Variants in GARNL3 observed in about 807,000 individuals in gnomAD.
GARNL3 encodes the protein GTPase activating Rap/RanGAP domain like 3.
Under a neutral mutation model 125.0 loss-of-function variants are expected in GARNL3, and 63 were observed. The observed-to-expected ratio is 0.50, with a 90% CI of 0.41 to 0.62. GARNL3 has a LOEUF of 0.62. Ranked by LOEUF, GARNL3 falls within the 20% of genes least tolerant of loss-of-function variation. The probability of loss-of-function intolerance (pLI) is 0.00; values close to 1 mark genes in which losing one functional copy is unlikely to be tolerated. For missense variants in GARNL3, 994 were observed against 1,244.0 expected (o/e 0.80, Z 3.02); for synonymous variants, 439 against 457.5 (o/e 0.96, Z 0.52).
chr9:127,342,225 A>G lies in GARNL3; in HGVS notation c.1142A>G (p.Asn381Ser). ...TTAACTTGATTTATTTTAGTAATTA[A>G]TGGTGAAAAAGCCACTTTGGAAACC... Reference protein sequence around the residue: ...FRDFLLVKLINGEKATLETPT... With the variant: ...FRDFLLVKLISGEKATLETPT... The change falls in exon 14 of 28, where the codon AAT becomes AGT. Residue 381 changes from asparagine to serine, a missense_variant. Around this residue, in one of 5 missense-constraint regions of GARNL3, gnomAD observed 728 missense variants for 865.7 expected, o/e 0.84. Coordinates refer to ENST00000373387, the MANE Select transcript of GARNL3 (RefSeq NM_032293.5). The G allele has an allele frequency of 1.3e-6, 2 of 1,597,752 alleles. No individual in the cohort carries two copies. The highest frequency in any genetic ancestry group is 1.7e-6 in the Non-Finnish European group (2 of 1,165,076).
chr9:127,329,404 A>C (rs148009458), intron 7 of GARNL3, among the ~76,000 whole-genome samples: 24 of 152,206 alleles, frequency 1.6e-4, no homozygotes, highest in African/African-American at 4.8e-4. Flanking sequence ...AAGATCCTAC[A>C]CCCTTGGGTG....
intron 2 of GARNL3, among the ~76,000 whole-genome samples, chr9:127,254,317 A>G (rs1334856332): frequency 6.6e-6 from 1 of 152,254 alleles, no homozygotes; most frequent in African/African-American, 2.4e-5. Context: ...TTCTTAAGTC[A>G]GAAAAACAAA....
rs78854771 is a variant in GARNL3, at chr9:127,316,520, G to A, written c.439-1543G>A. Among the ~76,000 whole-genome samples, 819 of 152,284 alleles carry A rather than the reference G, an allele frequency of 5.4e-3. 23 individuals carry two copies. In the East Asian group the frequency reaches 0.082, roughly 15 times the overall value. ...AGTGTAGGCTGGAGCCAGTTAAAAA[G>A]CAAAGCCACAGAAGAACTCGGGTTT... is the stretch of plus-strand genomic sequence containing the variant. On this transcript the variant is annotated intron_variant, in intron 4 of 27. Transcript: ENST00000373387.
At chr9:127,225,583 CG>C (rs1485596061) in intron 1 of GARNL3, among the ~76,000 whole-genome samples, 3 of 151,574 alleles carry the variant, frequency 2.0e-5, no homozygotes, top group Admixed American at 6.6e-5. Context: ...GGCCGTCGCG[CG>C]GGAGGTGCAG....
At chr9:127,344,157 G>C in intron 14 of GARNL3, 78 bp from the exon 15 acceptor site, 1 of 943,152 alleles carries the variant, frequency 1.1e-6, no homozygotes, top group Non-Finnish European at 1.7e-6. Context: ...TGGATAAATA[G>C]TTTTGTGCAC....
At chr9:127,254,092 A>G (rs2063453020) in intron 2 of GARNL3, among the ~76,000 whole-genome samples, 1 of 152,218 alleles carries the variant, frequency 6.6e-6, no homozygotes, top group Non-Finnish European at 1.5e-5. Flanking sequence ...TGAGTTGGTC[A>G]GCGTCTCTCA....
intron 3 of GARNL3, among the ~76,000 whole-genome samples, chr9:127,312,830 G>A (rs1234853978): frequency 2.0e-5 from 3 of 152,174 alleles, no homozygotes; most frequent in Non-Finnish European, 4.4e-5. Flanking sequence ...CTTCCCAAAC[G>A]CTTGCAAGTA....
At chr9:127,361,040 G>T (rs980330293) in intron 21 of GARNL3, among the ~76,000 whole-genome samples, 6 of 152,162 alleles carry the variant, frequency 3.9e-5, no homozygotes, top group Admixed American at 2.6e-4. Flanking sequence ...CCTGGTTTAT[G>T]GGAGGGGCTC....
chr9:127,374,537 T>C (rs1564191180), intron 22 of GARNL3, among the ~76,000 whole-genome samples: 1 of 152,052 alleles, frequency 6.6e-6, no homozygotes, highest in Non-Finnish European at 1.5e-5. Context: ...ACTAAGAACT[T>C]CCTTGAAAAA....
chr9:127,323,718 C>T (rs1469375190), intron 6 of GARNL3, among the ~76,000 whole-genome samples: 1 of 149,300 alleles, frequency 6.7e-6, no homozygotes, highest in Non-Finnish European at 1.5e-5. Flanking sequence ...GGATCCAATT[C>T]CTCCACCTGT....
rs532309345 is a variant in GARNL3 at position 127,392,428 on chromosome 9, C to T, written c.2871-655C>T. ...AACGGTAAGAAGCTAGGGGAACAGC[C>T]CTTCTGACAGCAACTACCTCAGGGC... On this transcript the variant is annotated intron_variant, in intron 27 of 27. Transcript: ENST00000373387. This position sits in a 1 kb window ranked among gnomAD's most constrained non-coding sequence, Gnocchi z 5.2. Among the ~76,000 whole-genome samples, 1 of 152,308 alleles carries T rather than the reference C, an allele frequency of 6.6e-6. No individual in the cohort carries two copies. Among genetic ancestry groups the T allele is most frequent in the African/African-American group, 2.4e-5 (1 of 41,568 alleles).
chr9:127,329,845 TGGACTCAGTGGACTATA>T (rs1231457277), intron 7 of GARNL3, among the ~76,000 whole-genome samples: 3 of 152,160 alleles, frequency 2.0e-5, no homozygotes, highest in Non-Finnish European at 4.4e-5. Flanking sequence ...AATAAAAGCA[TGGACTCAGTGGACTATA>T]GGGTCCTTTC....
chr9:127,354,764 A>G (rs1830598405), intron 19 of GARNL3, among the ~76,000 whole-genome samples: 1 of 152,202 alleles, frequency 6.6e-6, no homozygotes, highest in Admixed American at 6.5e-5. Flanking sequence ...GAATATAGGA[A>G]GTAGGACTTT....
chr9:127,364,922 A>G lies in GARNL3; in HGVS notation c.2095-378A>G. ...TGATAATTATACCATAATGTCAATA[A>G]TATTAGGTTGATGCAAAAGTAATTG... On this transcript the variant is annotated intron_variant, in intron 21 of 27. Transcript: ENST00000373387. The surrounding 1 kb of genome is among the most constrained non-coding windows in gnomAD (Gnocchi z 4.2). 1 of 213,052 alleles carries G rather than the reference A, an allele frequency of 4.7e-6. No homozygotes were observed. Among genetic ancestry groups the G allele is most frequent in the Non-Finnish European group, 9.4e-6 (1 of 106,810 alleles). The allele number at this position is 213,052 out of a possible 1,614,324, so 13.2% of individuals were successfully genotyped here.
At chr9:127,336,296 T>G in intron 11 of GARNL3, 60 bp downstream of exon 11, 2 of 1,172,464 alleles carry the variant, frequency 1.7e-6, no homozygotes, top group Non-Finnish European at 2.5e-6. Flanking sequence ...CTCACTGGAC[T>G]TCCATGACCC....
Position 127,384,373 on chromosome 9 carries a change from C to G in GARNL3, c.2270-654C>G, listed in dbSNP as rs1012005698. 2.0e-5 allele frequency among the ~76,000 whole-genome samples: 3 copies of G among 152,056 alleles called. No individual in the cohort carries two copies. The highest frequency in any genetic ancestry group is 4.4e-5 in the Non-Finnish European group (3 of 68,026). On this transcript the variant is annotated intron_variant, in intron 23 of 27. Transcript: ENST00000373387. This position sits in a 1 kb window ranked among gnomAD's most constrained non-coding sequence, Gnocchi z 4.0. The stretch of plus-strand genomic sequence containing the variant: ...AGCCAGTGCGAAGAAGGGGACAACA[C>G]GAAGTGCCAGGAAGAAAGAGGTGTG...
chr9:127,241,027 C>CA (rs1198614807), intron 1 of GARNL3, among the ~76,000 whole-genome samples: 4 of 152,230 alleles, frequency 2.6e-5, no homozygotes, highest in Non-Finnish European at 5.9e-5. Flanking sequence ...ACTAAGTCTT[C>CA]AAAACCCAGT....
intron 1 of GARNL3, among the ~76,000 whole-genome samples, chr9:127,273,664 G>C (rs1404573826): frequency 6.6e-6 from 1 of 152,208 alleles, no homozygotes; most frequent in Non-Finnish European, 1.5e-5. Context: ...AAAGCAGCCA[G>C]ATAGATCTTG....
chr9:127,342,892 CTTTTTTTTTTTTT>C (rs59554997), intron 14 of GARNL3, among the ~76,000 whole-genome samples: 1 of 81,604 alleles, frequency 1.2e-5, no homozygotes, highest in Non-Finnish European at 2.6e-5. Flanking sequence ...GTGCTCTTTT[CTTTTTTTTTTTTT>C]TTTTTTTTGG....
Sources: gnomAD v4.1 joint callset for allele counts (sites outside exome capture counted in the v4.1 genomes callset) on GRCh38, gnomAD v4.1.1 for gene constraint, gnomAD v4.1.1 regional missense constraint, Gnocchi (gnomAD v3.1) non-coding constraint, MANE v1.5 for transcripts, NCBI Gene and HGNC (gene_info 2026-07-23, HGNC 2026-07-21) for gene names.